Variants in ANKRD12 observed in about 807,000 individuals in gnomAD.
The protein encoded by ANKRD12 is ankyrin repeat domain-containing protein 12.
In ANKRD12, 85 loss-of-function variants were observed where a neutral mutation model predicts 183.4. The observed-to-expected ratio is 0.46, with a 90% CI of 0.39 to 0.56. The LOEUF (loss-of-function observed/expected upper bound fraction) is 0.56, where lower values mean the gene tolerates loss of function less well. Among genes scored for constraint, ANKRD12 ranks in the 20% least tolerant of loss-of-function variants. ANKRD12 has a pLI of 0.00. For synonymous variants in ANKRD12, 914 were observed against 800.2 expected (o/e 1.14, Z -2.40); for missense variants, 2,405 against 2,357.1 (o/e 1.02, Z -0.42).
chr18:9,253,139 G>GTA (rs1460660077), intron 8 of ANKRD12, among the ~76,000 whole-genome samples: 1 of 152,084 alleles, frequency 6.6e-6, no homozygotes, highest in Non-Finnish European at 1.5e-5. Context: ...TTTGCTACAA[G>GTA]TATACAATGT....
At position 9,285,952 on chromosome 18, in the gene ANKRD12, C is replaced by G. The variant is rs2040206844; in HGVS notation, c.*4826C>G. ...TATTTGGATTGTTTCCAGTTTGGGACTATTGTTAATAAACCTGTGAATCTG... is the reference window on the plus strand; with the variant it reads ...TATTTGGATTGTTTCCAGTTTGGGAGTATTGTTAATAAACCTGTGAATCTG... On this transcript the variant is annotated 3_prime_UTR_variant, in exon 13 of 13. Coordinates refer to ENST00000262126, the MANE Select transcript of ANKRD12 (RefSeq NM_015208.5). 1 of 152,162 alleles carries G rather than the reference C, an allele frequency of 6.6e-6. No individual in the cohort carries two copies. 9.4% of individuals were successfully genotyped at this position (152,162 alleles called of 1,614,324 possible).
rs1387619642 is a variant in ANKRD12, at chr18:9,283,448, A to T, written c.*2322A>T. ...AAAGCTAATGATAGCTTAAAAGAAA[A>T]GTTAATGCCTTCTCATTGGAAATGT... is the stretch of plus-strand genomic sequence containing the variant. On this transcript the variant is annotated 3_prime_UTR_variant, in exon 13 of 13. Transcript: ENST00000262126. 6.6e-6 allele frequency: 1 copy of T among 152,258 alleles called. No homozygotes were observed. Among genetic ancestry groups the T allele is most frequent in the Admixed American group, 6.5e-5 (1 of 15,288 alleles). The allele number at this position is 152,258 out of a possible 1,614,324, so 9.4% of individuals were successfully genotyped here. A position where few individuals can be genotyped will look rare whatever the true frequency, so the allele number is the denominator to read the frequency against.
intron 1 of ANKRD12, among the ~76,000 whole-genome samples, chr18:9,145,949 A>C (rs1483488143): frequency 6.6e-6 from 1 of 152,216 alleles, no homozygotes; most frequent in East Asian, 1.9e-4. Flanking sequence ...ACCAAGATGC[A>C]TAATTAGGAA....
rs146589754 is a variant in ANKRD12 at position 9,257,452 on chromosome 18, G to A, written c.4185G>A (p.Val1395=). 18 of 1,614,074 alleles carry A rather than the reference G, an allele frequency of 1.1e-5. No homozygotes were observed. In the African/African-American group the frequency reaches 2.0e-4, roughly 18 times the overall value. Residue 1395 remains valine (V), a synonymous_variant, in exon 9 of 13, where the codon GTG becomes GTA. Coordinates refer to ENST00000262126, the MANE Select transcript of ANKRD12 (RefSeq NM_015208.5). ...DRNLIKNTAP[V]NTVMDSPVHL... ...ATCTCATCAAGAATACTGCCCCAGT[G>A]AACACTGTAATGGACAGTCCAGTGC...
chr18:9,257,152 A>T lies in ANKRD12; in HGVS notation c.3885A>T (p.Lys1295Asn). Residue 1295 changes from lysine to asparagine, a missense_variant, in exon 9 of 13, where the codon AAA becomes AAT. Lys to Asn is a moderately conservative substitution (Grantham distance 94). This residue lies in a region of ANKRD12 where 1,983 missense variants were observed against 1,725.9 expected (regional missense o/e 1.15). Transcript: ENST00000262126. ...GGTCATCTTCTGTAGAAGATGTTAA[A>T]CTAATTATAAGCGAGGGGAGACCTA... ...HLRSSSVEDV[K>N]LIISEGRPTI... The T allele has an allele frequency of 6.2e-7, 1 of 1,614,162 alleles. No homozygotes were observed. The highest frequency in any genetic ancestry group is 8.5e-7 in the Non-Finnish European group (1 of 1,180,006).
chr18:9,147,118 T>G (rs958038962), intron 1 of ANKRD12, among the ~76,000 whole-genome samples: 1 of 152,210 alleles, frequency 6.6e-6, no homozygotes, highest in East Asian at 1.9e-4. Context: ...AGTTTTTTTT[T>G]AGGATCTCAG....
chr18:9,150,265 GT>G (rs1305095744), intron 1 of ANKRD12, among the ~76,000 whole-genome samples: 2 of 152,098 alleles, frequency 1.3e-5, no homozygotes, highest in Non-Finnish European at 2.9e-5. Context: ...TAGAAAATAT[GT>G]AAGTACCTTT....
chr18:9,149,348 A>G (rs1217902641), intron 1 of ANKRD12, among the ~76,000 whole-genome samples: 2 of 152,232 alleles, frequency 1.3e-5, no homozygotes, highest in African/African-American at 4.8e-5. Context: ...ATAAGTTAAC[A>G]TCACAGACTT....
chr18:9,197,296 C>T (rs940062257), intron 3 of ANKRD12, among the ~76,000 whole-genome samples: 15 of 152,048 alleles, frequency 9.9e-5, no homozygotes, highest in Non-Finnish European at 1.5e-4. Flanking sequence ...TTTTTTCTAC[C>T]GTTGGACTTT....
At chr18:9,250,045 C>T (rs1383687235) in intron 8 of ANKRD12, 2 of 152,160 alleles carry the variant, frequency 1.3e-5, no homozygotes, top group African/African-American at 4.8e-5. Context: ...GGGATAATAA[C>T]ACCTGTTGTA....
At chr18:9,254,087 A>G in intron 8 of ANKRD12, 124 bp from the exon 9 acceptor site, 1 of 1,090,864 alleles carries the variant, frequency 9.2e-7, no homozygotes, top group Non-Finnish European at 1.2e-6. Context: ...ATAAATCTGA[A>G]GTGATTATGA....
intron 2 of ANKRD12, among the ~76,000 whole-genome samples, chr18:9,190,913 G>A (rs1414475131): frequency 6.6e-6 from 1 of 152,088 alleles, no homozygotes; most frequent in East Asian, 1.9e-4. Flanking sequence ...TTATCGTGGT[G>A]GTCTGGAACT....
intron 3 of ANKRD12, among the ~76,000 whole-genome samples, chr18:9,196,220 A>ACACACACACT: frequency 6.8e-6 from 1 of 147,224 alleles, no homozygotes; most frequent in Non-Finnish European, 1.5e-5. Flanking sequence ...ACACACACAC[A>ACACACACACT]CACTGAGGCT....
chr18:9,144,913 T>G (rs2078444153), intron 1 of ANKRD12, among the ~76,000 whole-genome samples: 1 of 152,108 alleles, frequency 6.6e-6, no homozygotes, highest in Non-Finnish European at 1.5e-5. Context: ...GTAATAAATA[T>G]GTATACATAT....
Position 9,256,975 on chromosome 18 carries a change from G to T in ANKRD12, c.3708G>T (p.Glu1236Asp). 1 of 1,614,108 alleles carries T rather than the reference G, an allele frequency of 6.2e-7. No individual in the cohort carries two copies. The highest frequency in any genetic ancestry group is 1.3e-5 in the African/African-American group (1 of 75,042). The change falls in exon 9 of 13, where the codon GAG becomes GAT. Residue 1236 changes from glutamate (E) to aspartate (D), a missense_variant. This residue lies in a region of ANKRD12 where 1,983 missense variants were observed against 1,725.9 expected (regional missense o/e 1.15). Transcript: ENST00000262126. ...AGTATGACTCTGACTTTATGTTAGA[G>T]AGTTCAGAATCCCAAATGTCCTTTT... ...PVEYDSDFML[E>D]SSESQMSFSQ...
At chr18:9,230,183 TTTTC>T (rs2036961579) in intron 8 of ANKRD12, among the ~76,000 whole-genome samples, 1 of 152,208 alleles carries the variant, frequency 6.6e-6, no homozygotes, top group Non-Finnish European at 1.5e-5. Flanking sequence ...TCTATTCAGA[TTTTC>T]TGTTACTTTC....
chr18:9,204,799 T>C (rs2035384694), intron 4 of ANKRD12, among the ~76,000 whole-genome samples: 1 of 152,198 alleles, frequency 6.6e-6, no homozygotes, highest in Non-Finnish European at 1.5e-5. Flanking sequence ...CAGCACAATG[T>C]GGGGAACACC....
At chr18:9,144,069 G>T (rs2078412577) in intron 1 of ANKRD12, among the ~76,000 whole-genome samples, 1 of 152,120 alleles carries the variant, frequency 6.6e-6, no homozygotes. Flanking sequence ...ATTAGCTAAT[G>T]CATGAGGAAA....
In ANKRD12 at chr18:9,258,457, A is replaced by G. The variant is rs2038771597; in HGVS notation, c.5190A>G (p.Gln1730=). Reference sequence around the variant, plus strand: ...CCGAAGATGATAAAACTGAAAACCAAATCCCTCAAAGAATGACTAGAAACA... The same window carrying G: ...CCGAAGATGATAAAACTGAAAACCAGATCCCTCAAAGAATGACTAGAAACA... ...ENAEDDKTEN[Q]IPQRMTRNKA... is the part of the protein sequence containing the mutation. Residue 1730 remains glutamine, a synonymous_variant, in exon 9 of 13, where the codon CAA becomes CAG. Transcript: ENST00000262126. 1.9e-6 allele frequency: 3 copies of G among 1,613,724 alleles called. No homozygotes were observed. Among genetic ancestry groups the G allele is most frequent in the African/African-American group, 1.3e-5 (1 of 74,920 alleles).
Sources: allele counts gnomAD v4.1 joint callset (sites outside exome capture counted in the v4.1 genomes callset), GRCh38; gene constraint gnomAD v4.1.1; regional missense constraint gnomAD v4.1.1; transcripts MANE v1.5; gene names NCBI Gene and HGNC (gene_info 2026-07-23, HGNC 2026-07-21).